The following WDR49 variants were observed in gnomAD, a reference collection of about 807,000 sequenced individuals.
WDR49 encodes WD repeat domain 49.
A neutral mutation model predicts 119.5 loss-of-function variants in WDR49; 107 were observed. That is an observed-to-expected ratio of 0.90 (90% CI 0.77 to 1.05). WDR49 has a LOEUF of 1.05. WDR49 is among the 50% of genes least tolerant of loss of function. The pLI, the probability that WDR49 is intolerant of heterozygous loss-of-function variation, is 0.00. For synonymous variants in WDR49, 425 were observed against 418.8 expected (o/e 1.01, Z -0.18); for missense variants, 1,240 against 1,220.5 (o/e 1.02, Z -0.24).
intron 2 of WDR49, among the ~76,000 whole-genome samples, chr3:167,628,820 C>T (rs1717242788): frequency 1.3e-5 from 2 of 152,090 alleles, no homozygotes; most frequent in Non-Finnish European, 2.9e-5. Flanking sequence ...TTAGGACTTT[C>T]GTAGCTGAGA....
chr3:167,509,167 T>C (rs1001654836), intron 16 of WDR49, among the ~76,000 whole-genome samples: 1 of 152,200 alleles, frequency 6.6e-6, no homozygotes, highest in Admixed American at 6.5e-5. Context: ...ATTTTTTAAA[T>C]GGTAACCAAA....
intron 13 of WDR49, 105 bp downstream of exon 13, chr3:167,531,010 G>C (rs1693053181): frequency 8.4e-7 from 1 of 1,190,520 alleles, no homozygotes; most frequent in Admixed American, 2.5e-5. Flanking sequence ...ACTACTGACT[G>C]GTTAGCTACG....
chr3:167,603,339 AAT>A (rs1715872029), intron 6 of WDR49, among the ~76,000 whole-genome samples: 1 of 152,136 alleles, frequency 6.6e-6, no homozygotes. Context: ...CAATAAATTA[AAT>A]AGTTTCTATT....
chr3:167,647,172 T>C (rs564132838), intron 2 of WDR49, among the ~76,000 whole-genome samples: 2 of 152,192 alleles, frequency 1.3e-5, no homozygotes, highest in Non-Finnish European at 2.9e-5. Flanking sequence ...GCTGATGCAC[T>C]ACACATGAAC....
intron 3 of WDR49, among the ~76,000 whole-genome samples, chr3:167,622,093 A>G (rs1444628646): frequency 1.3e-5 from 2 of 152,184 alleles, no homozygotes; most frequent in Non-Finnish European, 2.9e-5. Flanking sequence ...AGGCTATTTT[A>G]CAAAGGGGAA....
At chr3:167,620,227 G>A (rs2108320981) in intron 5 of WDR49, among the ~76,000 whole-genome samples, 1 of 151,840 alleles carries the variant, frequency 6.6e-6, no homozygotes, top group South Asian at 2.1e-4. Context: ...AATTGTATGA[G>A]GCATAAATTC....
chr3:167,643,607 G>A (rs940602342), intron 2 of WDR49, among the ~76,000 whole-genome samples: 1 of 152,012 alleles, frequency 6.6e-6, no homozygotes, highest in Admixed American at 6.6e-5. Flanking sequence ...GTATAAAGTT[G>A]AATTTCCTGT....
intron 18 of WDR49, among the ~76,000 whole-genome samples, chr3:167,487,731 C>T (rs761539743): frequency 2.6e-5 from 4 of 151,954 alleles, no homozygotes; most frequent in Admixed American, 1.3e-4. Context: ...TGAATGGACA[C>T]GTCCCAAAAG....
chr3:167,567,006 GT>G lies in WDR49; in HGVS notation c.1510-6779del, dbSNP rs572128866. The stretch of plus-strand genomic sequence containing the variant: ...AGGTCAGGAGAGGTGGGCACACTTG[GT>G]GTAACTTCACAGAAATATATTGTAA... On this transcript the variant is annotated intron_variant, in intron 8 of 18. Transcript: ENST00000682715. 9.2e-4 allele frequency: 442 copies of G among 482,544 alleles called. 1 individual carries two copies. Among genetic ancestry groups the G allele is most frequent in the Admixed American group, 2.4e-3 (65 of 27,466 alleles). 29.9% of individuals were successfully genotyped at this position (482,544 alleles called of 1,614,324 possible).
intron 17 of WDR49, among the ~76,000 whole-genome samples, chr3:167,502,675 T>C (rs148384151): frequency 1.1e-3 from 162 of 152,310 alleles, no homozygotes; most frequent in African/African-American, 3.8e-3. Flanking sequence ...TCTAGGCATC[T>C]GTGGAAGTTT....
chr3:167,480,901 T>A (rs1339477240), intron 18 of WDR49, among the ~76,000 whole-genome samples: 1 of 152,162 alleles, frequency 6.6e-6, no homozygotes, highest in Non-Finnish European at 1.5e-5. Flanking sequence ...AGAAGCTCTC[T>A]GGGACCTGGT....
At chr3:167,573,433 A>C (rs1315948871) in intron 8 of WDR49, among the ~76,000 whole-genome samples, 3 of 141,320 alleles carry the variant, frequency 2.1e-5, no homozygotes, top group Non-Finnish European at 4.6e-5. Context: ...CACACACAAC[A>C]CAAATAGATA....
rs1752901474 is a variant in WDR49, at chr3:167,532,964, T to C, written c.1968A>G (p.Gly656=). Residue 656 remains glycine (G), a synonymous_variant, in exon 12 of 19, where the codon GGA becomes GGG. Transcript: ENST00000682715. ...PQTLVTGSYD[G]EIVLWNNSTE... ...TGCTATTGTTCCATAGAACAATTTC[T>C]CCATCATAACTCCCTACACAAGACA... The C allele has an allele frequency of 8.7e-6, 14 of 1,605,412 alleles. No individual in the cohort carries two copies. The highest frequency in any genetic ancestry group is 9.4e-6 in the Non-Finnish European group (11 of 1,173,780).
chr3:167,566,513 A>T (rs1713607819), intron 8 of WDR49, among the ~76,000 whole-genome samples: 1 of 152,178 alleles, frequency 6.6e-6, no homozygotes, highest in Non-Finnish European at 1.5e-5. Flanking sequence ...AAAAGCCTAT[A>T]AAATAATATA....
chr3:167,495,045 G>A (rs923113563), intron 18 of WDR49, among the ~76,000 whole-genome samples: 3 of 152,092 alleles, frequency 2.0e-5, no homozygotes, highest in African/African-American at 7.2e-5. Flanking sequence ...ATTGCTGACA[G>A]AAAAGAATAT....
chr3:167,489,959 T>C (rs1425563526), intron 18 of WDR49, among the ~76,000 whole-genome samples: 1 of 152,118 alleles, frequency 6.6e-6, no homozygotes, highest in Non-Finnish European at 1.5e-5. Flanking sequence ...CAAATTCCCA[T>C]GCAACAGATC....
At chr3:167,605,230 T>C (rs1027173910) in intron 5 of WDR49, among the ~76,000 whole-genome samples, 3 of 152,096 alleles carry the variant, frequency 2.0e-5, no homozygotes, top group South Asian at 2.1e-4. Flanking sequence ...ATCTATTCAA[T>C]TGGGCTGTTT....
intron 7 of WDR49, among the ~76,000 whole-genome samples, chr3:167,593,095 A>G (rs1223765158): frequency 6.6e-6 from 1 of 152,050 alleles, no homozygotes. Context: ...TTTGGGTGAA[A>G]TCAGCTTGGT....
At chr3:167,503,529 C>G (rs1170717479) in intron 17 of WDR49, among the ~76,000 whole-genome samples, 1 of 152,168 alleles carries the variant, frequency 6.6e-6, no homozygotes, top group African/African-American at 2.4e-5. Context: ...GGAAGAGAAC[C>G]ATGGAACCCA....
Sources: allele counts gnomAD v4.1 joint callset (sites outside exome capture counted in the v4.1 genomes callset), GRCh38; gene constraint gnomAD v4.1.1; transcripts MANE v1.5; gene names NCBI Gene and HGNC (gene_info 2026-07-23, HGNC 2026-07-21).